The following NAAA variants were observed in gnomAD, a reference collection of about 807,000 sequenced individuals.
The protein encoded by NAAA is N-acylethanolamine-hydrolyzing acid amidase.
Under a neutral mutation model 44.8 loss-of-function variants are expected in NAAA, and 39 were observed. The ratio of observed to expected loss-of-function variants is 0.87; its 90% CI spans 0.67 to 1.14. NAAA has a LOEUF of 1.14. Among genes scored for constraint, NAAA ranks in the 50% most tolerant of loss-of-function variants. The pLI, the probability that NAAA is intolerant of heterozygous loss-of-function variation, is 0.00. For synonymous variants in NAAA, 178 were observed against 191.3 expected (o/e 0.93, Z 0.58); for missense variants, 460 against 467.8 (o/e 0.98, Z 0.15).
At chr4:75,919,053 T>TC (rs1480281504) in intron 8 of NAAA, among the ~76,000 whole-genome samples, 2 of 10,970 alleles carry the variant, frequency 1.8e-4, no homozygotes, top group African/African-American at 8.5e-3. Flanking sequence ...TGATATAGAC[T>TC]TTTTTTTTGA....
At chr4:75,921,864 C>T (rs1052129873) in intron 5 of NAAA, among the ~76,000 whole-genome samples, 3 of 152,010 alleles carry the variant, frequency 2.0e-5, no homozygotes, top group African/African-American at 7.3e-5. Context: ...GTTCAGACAC[C>T]CCGAGGGCGC....
At chr4:75,928,104 T>C (rs893335203) in intron 4 of NAAA, among the ~76,000 whole-genome samples, 1 of 151,938 alleles carries the variant, frequency 6.6e-6, no homozygotes, top group African/African-American at 2.4e-5. Context: ...TCCTCCTGTC[T>C]AATTGAAACT....
chr4:75,938,132 G>T (rs772605363), intron 2 of NAAA, among the ~76,000 whole-genome samples: 1 of 152,168 alleles, frequency 6.6e-6, no homozygotes, highest in African/African-American at 2.4e-5. Context: ...TCTTCCCCAC[G>T]GGACTGTGTT....
rs1220928641 is a variant in NAAA, at chr4:75,919,872, AC to A, written c.969+36del. On this transcript the variant is annotated intron_variant, in intron 8 of 10. Transcript: ENST00000286733. ...ATATTCACTATTAACAAAACACCAA[AC>A]ATCCTAGGTATGCAGGACACTGTGA... The A allele has an allele frequency of 3.8e-6, 6 of 1,567,418 alleles. No homozygotes were observed. The Admixed American group carries it at 1.0e-4, about 26-fold the overall frequency.
At position 75,921,085 on chromosome 4, in the gene NAAA, G is replaced by A; in HGVS notation, c.705C>T (p.Gly235=). 1 of 1,586,968 alleles carries A rather than the reference G, an allele frequency of 6.3e-7. No homozygotes were observed. The highest frequency in any genetic ancestry group is 1.2e-5 in the South Asian group (1 of 86,088). The change falls in exon 6 of 11, where the codon GGC becomes GGT. Residue 235 remains glycine, a synonymous_variant. Transcript: ENST00000286733. The part of the protein sequence containing the change: ...SESENFEAAV[G]KLAKTPLIAD... ...CAATAAGGGGAGTCTTGGCCAACTTGCCAACAGCTGCTTCGAAGTTTTCCG... is the reference window on the plus strand; with the variant it reads ...CAATAAGGGGAGTCTTGGCCAACTTACCAACAGCTGCTTCGAAGTTTTCCG...
chr4:75,925,618 T>G, intron 5 of NAAA, 117 bp downstream of exon 5: 1 of 929,520 alleles, frequency 1.1e-6, no homozygotes. Context: ...TTGCAGACAT[T>G]TAGATGCTTA....
At chr4:75,920,592 C>T (rs1726054566) in intron 7 of NAAA, 146 bp downstream of exon 7, 3 of 949,962 alleles carry the variant, frequency 3.2e-6, no homozygotes, top group African/African-American at 1.6e-5. Flanking sequence ...ACACTCCCTT[C>T]CCAGCCAAGG....
intron 5 of NAAA, among the ~76,000 whole-genome samples, chr4:75,924,601 A>C (rs909645149): frequency 6.6e-6 from 1 of 152,208 alleles, no homozygotes; most frequent in African/African-American, 2.4e-5. Context: ...CTGGCTTCTA[A>C]TGTGTTTGCT....
chr4:75,936,310 TA>T, intron 2 of NAAA, 75 bp from the exon 3 acceptor site: 1 of 1,523,460 alleles, frequency 6.6e-7, no homozygotes, highest in Non-Finnish European at 8.9e-7. Flanking sequence ...TTTTCATTTG[TA>T]AAACAAATCC....
chr4:75,929,752 A>G (rs1248232892), intron 4 of NAAA, among the ~76,000 whole-genome samples: 1 of 152,172 alleles, frequency 6.6e-6, no homozygotes, highest in Non-Finnish European at 1.5e-5. Flanking sequence ...TATATACTCA[A>G]TCACCATCTT....
At position 75,914,077 on chromosome 4, in the gene NAAA, C is replaced by A; in HGVS notation, c.*298G>T. The A allele has an allele frequency of 1.0e-6, 1 of 985,424 alleles. No homozygotes were observed. Among genetic ancestry groups the A allele is most frequent in the Non-Finnish European group, 1.2e-6 (1 of 829,940 alleles). 61.0% of individuals were successfully genotyped at this position (985,424 alleles called of 1,614,324 possible). On this transcript the variant is annotated 3_prime_UTR_variant, in exon 11 of 11. Transcript: ENST00000286733. ...ATAAGGCCTGAGGATATGGCTTGAT[C>A]TCTGAGACCAATTATCTTTGAGTTA... is the stretch of plus-strand genomic sequence containing the variant.
rs1725910389 is a variant in NAAA at position 75,919,145 on chromosome 4, G to A, written c.970-356C>T. On this transcript the variant is annotated intron_variant, in intron 8 of 10. Transcript: ENST00000286733. ...CAACCTCCGCCTCCCAGGGTCAACCGATTCTCCTGCCTCGGCATCCCAAGT... is the reference window on the plus strand; with the variant it reads ...CAACCTCCGCCTCCCAGGGTCAACCAATTCTCCTGCCTCGGCATCCCAAGT... Among the ~76,000 whole-genome samples, 7 of 152,098 alleles carry A rather than the reference G, an allele frequency of 4.6e-5. No individual in the cohort carries two copies. In the South Asian group the frequency reaches 1.2e-3, roughly 27 times the overall value.
Position 75,940,083 on chromosome 4 carries a change from C to G in NAAA, c.289G>C (p.Gly97Arg). 1.2e-6 allele frequency: 2 copies of G among 1,614,092 alleles called. No homozygotes were observed. The highest frequency in any genetic ancestry group is 8.5e-7 in the Non-Finnish European group (1 of 1,180,022). Residue 97 changes from glycine (G) to arginine (R), a missense_variant, in exon 2 of 11, where the codon GGC becomes CGC. Transcript: ENST00000286733. Reference sequence around the variant, plus strand: ...AAGTCACACATGCCGCGGATCTCGCCGGTGAAGGGCTGGGGCAGGAAGCGC... The same window carrying G: ...AAGTCACACATGCCGCGGATCTCGCGGGTGAAGGGCTGGGGCAGGAAGCGC... ...LERFLPQPFTGEIRGMCDFMN... is the reference protein window; with the variant it reads ...LERFLPQPFTREIRGMCDFMN...
rs184140015 is a variant in NAAA at position 75,926,521 on chromosome 4, A to G, written c.590-710T>C. On this transcript the variant is annotated intron_variant, in intron 4 of 10. Transcript: ENST00000286733. ...GGTTGCAGTGAGCCAAGATCAGGCC[A>G]CTGCACTCCAACCTGGGTGACAGAG... 1.7e-3 allele frequency among the ~76,000 whole-genome samples: 246 copies of G among 144,888 alleles called. 2 individuals are homozygous for G. The highest frequency in any genetic ancestry group is 6.1e-3 in the African/African-American group (240 of 39,136).
At chr4:75,912,396 C>T (rs1475031812), downstream of NAAA, among the ~76,000 whole-genome samples, 2 of 151,634 alleles carry the variant, frequency 1.3e-5, no homozygotes, top group African/African-American at 4.8e-5. Flanking sequence ...CTACTAAAAA[C>T]ACCAAAAATT....
intron 9 of NAAA, chr4:75,917,520 C>T (rs1725736563): frequency 1.2e-5 from 2 of 162,044 alleles, no homozygotes; most frequent in African/African-American, 4.8e-5. Context: ...GCTAGACTGC[C>T]ATGGCATGAT....
chr4:75,923,521 G>A (rs1578053162), intron 5 of NAAA, among the ~76,000 whole-genome samples: 2 of 152,040 alleles, frequency 1.3e-5, no homozygotes, highest in South Asian at 2.1e-4. Flanking sequence ...TCAAAACGGA[G>A]GCTCCATCTT....
intron 2 of NAAA, among the ~76,000 whole-genome samples, chr4:75,938,318 T>A (rs762540329): frequency 7.2e-5 from 11 of 152,244 alleles, no homozygotes; most frequent in African/African-American, 1.4e-4. Context: ...AGTTAGAATG[T>A]TTTTACTAGA....
In NAAA at chr4:75,921,525, G is replaced by A. The variant is rs145852224; in HGVS notation, c.667-402C>T. Reference sequence around the variant, plus strand: ...TGGGGGATAGAGCAGTGAATGAGTCGCCTGGTCCTATTCTCCCCAAGCCTC... The same window carrying A: ...TGGGGGATAGAGCAGTGAATGAGTCACCTGGTCCTATTCTCCCCAAGCCTC... On this transcript the variant is annotated intron_variant, in intron 5 of 10. Transcript: ENST00000286733. 1.9e-3 allele frequency among the ~76,000 whole-genome samples: 287 copies of A among 152,268 alleles called. 1 individual carries two copies. The highest frequency in any genetic ancestry group is 6.8e-3 in the Middle Eastern group (2 of 294).
Sources: gnomAD v4.1 joint callset for allele counts (sites outside exome capture counted in the v4.1 genomes callset) on GRCh38, gnomAD v4.1.1 for gene constraint, MANE v1.5 for transcripts, NCBI Gene and HGNC (gene_info 2026-07-23, HGNC 2026-07-21) for gene names.